MYO5B: variants seen among roughly 807,000 people sequenced by gnomAD.
The protein encoded by MYO5B is myosin VB.
Under a neutral mutation model 229.3 loss-of-function variants are expected in MYO5B, and 143 were observed. The ratio of observed to expected loss-of-function variants is 0.62; its 90% confidence interval spans 0.54 to 0.72. MYO5B has a LOEUF of 0.72. MYO5B is among the 30% of genes least tolerant of loss of function. The pLI is 0.00. For synonymous variants in MYO5B, 918 were observed against 885.2 expected (o/e 1.04, Z -0.66); for missense variants, 2,321 against 2,331.0 (o/e 1.00, Z 0.09).
intron 4 of MYO5B, among the ~76,000 whole-genome samples, chr18:50,007,369 T>C (rs1017814349): frequency 6.6e-6 from 1 of 152,182 alleles, no homozygotes; most frequent in African/African-American, 2.4e-5. Flanking sequence ...CTGTACCTTT[T>C]AGTCCACACC....
chr18:49,931,370 C>T (rs1356909893), intron 16 of MYO5B, among the ~76,000 whole-genome samples: 1 of 152,156 alleles, frequency 6.6e-6, no homozygotes, highest in Admixed American at 6.5e-5. Flanking sequence ...CCTCCCAAGC[C>T]CCACCTTCTT....
intron 2 of MYO5B, among the ~76,000 whole-genome samples, chr18:50,045,902 G>A (rs537217577): frequency 1.3e-5 from 2 of 152,280 alleles, no homozygotes; most frequent in South Asian, 2.1e-4. Context: ...TGAGTGAAAT[G>A]TCTGATTCAC....
In MYO5B at chr18:50,194,840, G is replaced by A. The variant is rs572247142; in HGVS notation, c.-47C>T. 1.2e-4 allele frequency: 159 copies of A among 1,286,582 alleles called. 1 individual carries two copies. The Middle Eastern group carries it at 4.1e-3, about 34-fold the overall frequency. 79.7% of individuals were successfully genotyped at this position (1,286,582 alleles called of 1,614,324 possible). A position where few individuals can be genotyped will look rare whatever the true frequency, so the allele number is the denominator to read the frequency against. On this transcript the variant is annotated 5_prime_UTR_variant, in exon 1 of 40. Transcript: ENST00000285039. Reference sequence around the variant, plus strand: ...GGGCCCCGGCTCCTGGCTGCCCCGCGGCTCTCAGTCCGCGGCTGGCCCGCC... The same window carrying A: ...GGGCCCCGGCTCCTGGCTGCCCCGCAGCTCTCAGTCCGCGGCTGGCCCGCC...
At chr18:50,058,863 A>G (rs554039488) in intron 1 of MYO5B, among the ~76,000 whole-genome samples, 5 of 152,254 alleles carry the variant, frequency 3.3e-5, no homozygotes, top group African/African-American at 1.2e-4. Flanking sequence ...TTTACAGGAA[A>G]GCATGCCAAC....
At chr18:49,879,166 A>C (rs561410798) in intron 23 of MYO5B, 76 bp from the exon 24 acceptor site, 1 of 1,590,046 alleles carries the variant, frequency 6.3e-7, no homozygotes, top group East Asian at 2.2e-5. Flanking sequence ...TTTCCGATTA[A>C]TCTCTTGTTA....
intron 22 of MYO5B, among the ~76,000 whole-genome samples, chr18:49,893,291 G>A (rs919787256): frequency 6.6e-6 from 1 of 152,160 alleles, no homozygotes; most frequent in Non-Finnish European, 1.5e-5. Flanking sequence ...TGCAGGGAAT[G>A]TTTTTTCTCC....
At chr18:50,153,262 A>G (rs78508279) in intron 1 of MYO5B, among the ~76,000 whole-genome samples, 5,218 of 152,280 alleles carry the variant, frequency 0.034, 132 homozygotes, top group Non-Finnish European at 0.055. Context: ...TGTCTTCTAA[A>G]AGGCATAAGA....
chr18:50,029,781 G>A (rs2026368107), intron 4 of MYO5B, among the ~76,000 whole-genome samples: 1 of 152,198 alleles, frequency 6.6e-6, no homozygotes, highest in Admixed American at 6.5e-5. Context: ...AGGTCAGAGA[G>A]TCTACCCCTG....
intron 2 of MYO5B, among the ~76,000 whole-genome samples, chr18:50,046,145 G>A (rs2030219023): frequency 1.3e-5 from 2 of 152,160 alleles, no homozygotes; most frequent in Non-Finnish European, 2.9e-5. Context: ...CAAGAAGTTG[G>A]TGTTGACCCA....
intron 10 of MYO5B, among the ~76,000 whole-genome samples, chr18:49,964,029 C>G (rs1007509724): frequency 1.3e-5 from 2 of 152,168 alleles, no homozygotes; most frequent in Non-Finnish European, 2.9e-5. Flanking sequence ...ACCACACCCC[C>G]AGTGAGGACA....
chr18:49,991,066 G>A (rs891931551), intron 6 of MYO5B, among the ~76,000 whole-genome samples: 3 of 152,134 alleles, frequency 2.0e-5, no homozygotes, highest in East Asian at 3.9e-4. Context: ...AGGCCTGAGC[G>A]AAGAGAGCTA....
Position 49,908,394 on chromosome 18 carries a change from G to A in MYO5B, c.2203-1764C>T, listed in dbSNP as rs79629421. Among the ~76,000 whole-genome samples the A allele has an allele frequency of 5.3e-3, 807 of 152,194 alleles. 9 individuals carry two copies. The highest frequency in any genetic ancestry group is 0.017 in the African/African-American group (704 of 41,530). ...CTTTCTCCAAGAGTCAGACTGCAGG[G>A]GCTGAAAGCAAACTTAGCAATCCAT... On this transcript the variant is annotated intron_variant, in intron 18 of 39. Transcript: ENST00000285039.
intron 22 of MYO5B, 97 bp from the exon 23 acceptor site, chr18:49,880,552 C>T (rs2024575351): frequency 3.2e-6 from 3 of 949,512 alleles, no homozygotes; most frequent in Non-Finnish European, 5.2e-6. Flanking sequence ...CATGTAAATG[C>T]TCTTTTTAAG....
At chr18:50,066,812 T>C (rs2030831528) in intron 1 of MYO5B, among the ~76,000 whole-genome samples, 1 of 152,172 alleles carries the variant, frequency 6.6e-6, no homozygotes, top group South Asian at 2.1e-4. Context: ...CTATCAATAA[T>C]ACAGCCTGCC....
At chr18:49,992,522 C>T in intron 5 of MYO5B, 91 bp from the exon 6 acceptor site, 1 of 1,560,698 alleles carries the variant, frequency 6.4e-7, no homozygotes, top group Non-Finnish European at 8.8e-7. Context: ...TGTCCCCTTT[C>T]TCTTCCTTAC....
intron 14 of MYO5B, among the ~76,000 whole-genome samples, chr18:49,944,549 T>C (rs1442189614): frequency 6.6e-6 from 1 of 152,054 alleles, no homozygotes; most frequent in Non-Finnish European, 1.5e-5. Flanking sequence ...ACCTGAACTT[T>C]AGATATGACC....
At chr18:49,831,764 C>G (rs1010252620) in intron 39 of MYO5B, among the ~76,000 whole-genome samples, 2 of 152,058 alleles carry the variant, frequency 1.3e-5, no homozygotes, top group African/African-American at 4.8e-5. Flanking sequence ...AATATATGCC[C>G]CAAAGAACTG....
intron 17 of MYO5B, among the ~76,000 whole-genome samples, chr18:49,928,396 C>T (rs923952749): frequency 1.3e-5 from 2 of 152,178 alleles, no homozygotes; most frequent in African/African-American, 4.8e-5. Context: ...GTCATCCTAG[C>T]ACTTTGGGAA....
In MYO5B at chr18:49,953,145, C is replaced by G. The variant is rs542620682; in HGVS notation, c.1752+115G>C. The stretch of plus-strand genomic sequence containing the variant: ...CGAAATGACCAACAAACCCGTTGGC[C>G]TCCTCCCTGCCCAGCATCTCTGTCT... On this transcript the variant is annotated intron_variant, in intron 14 of 39. Transcript: ENST00000285039. 3.1e-6 allele frequency: 3 copies of G among 965,858 alleles called. No homozygotes were observed. In the Admixed American group the frequency reaches 5.4e-5, roughly 17 times the overall value. The allele number at this position is 965,858 out of a possible 1,614,324, so 59.8% of individuals were successfully genotyped here.
Sources: gnomAD v4.1 joint callset for allele counts (sites outside exome capture counted in the v4.1 genomes callset) on GRCh38, gnomAD v4.1.1 for gene constraint, MANE v1.5 for transcripts, NCBI Gene and HGNC (gene_info 2026-07-23, HGNC 2026-07-21) for gene names.